The following GCNT1 variants were observed in gnomAD, a reference collection of about 807,000 sequenced individuals.
The protein encoded by GCNT1 is glucosaminyl (N-acetyl) transferase 1, also known as beta-1,3-galactosyl-O-glycosyl-glycoprotein beta-1,6-N-acetylglucosaminyltransferase.
In GCNT1, 16 loss-of-function variants were observed where a neutral mutation model predicts 26.2. That is an observed-to-expected ratio of 0.61 (90% CI 0.41 to 0.93). The LOEUF is 0.93. Among genes scored for constraint, GCNT1 ranks in the 40% least tolerant of loss-of-function variants. The pLI is 0.00. For synonymous variants in GCNT1, 183 were observed against 190.8 expected (o/e 0.96, Z 0.34); for missense variants, 477 against 526.7 (o/e 0.91, Z 0.92).
upstream of GCNT1, chr9:76,459,087 TC>T (rs1823813183): frequency 6.6e-6 from 1 of 152,202 alleles, no homozygotes; most frequent in Admixed American, 6.5e-5. Flanking sequence ...CCGCAGCAAG[TC>T]CCCAGCCCCG....
At chr9:76,424,672 T>C (rs1284474469) in intron 1 of GCNT1, among the ~76,000 whole-genome samples, 1 of 152,236 alleles carries the variant, frequency 6.6e-6, no homozygotes, top group Non-Finnish European at 1.5e-5. Flanking sequence ...AACTGGATGA[T>C]AGATAACTAA....
intron 1 of GCNT1, among the ~76,000 whole-genome samples, chr9:76,443,922 AAAGGAAGAAAGGAAGGAAGGAAGG>A (rs1299603757): frequency 6.0e-4 from 44 of 73,704 alleles, no homozygotes; most frequent in African/African-American, 1.6e-3. Context: ...AGAAAGGAAG[AAAGGAAGAAAGGAAGGAAGGAAGG>A]AAGGAAGGAA....
chr9:76,492,236 C>T lies in GCNT1; in HGVS notation c.-289-8680C>T, dbSNP rs142727869. On this transcript the variant is annotated intron_variant, in intron 2 of 3. Coordinates refer to ENST00000376730, the MANE Select transcript of GCNT1 (RefSeq NM_001490.5). ...GTTGATTCCCTCCTCAAGCAGCGGA[C>T]AACAAATGGGTAACTTGTTCCCCAT... is the stretch of plus-strand genomic sequence containing the variant. Among the ~76,000 whole-genome samples the T allele has an allele frequency of 3.9e-5, 6 of 152,248 alleles. No individual in the cohort carries two copies. In the East Asian group the frequency reaches 1.2e-3, roughly 29 times the overall value.
the GCNT1 span, among the ~76,000 whole-genome samples, chr9:76,414,395 C>T: frequency 6.6e-6 from 1 of 152,106 alleles, no homozygotes; most frequent in South Asian, 2.1e-4. Flanking sequence ...GTCCAGACCC[C>T]AAGAGAGGGT....
chr9:76,408,735 T>G, the GCNT1 span, among the ~76,000 whole-genome samples: 1 of 152,190 alleles, frequency 6.6e-6, no homozygotes, highest in East Asian at 1.9e-4. Context: ...ACCCAGGCTA[T>G]AGTGTAGAGT....
At chr9:76,478,200 T>G (rs1290655108) in intron 2 of GCNT1, among the ~76,000 whole-genome samples, 1 of 152,192 alleles carries the variant, frequency 6.6e-6, no homozygotes, top group Admixed American at 6.5e-5. Flanking sequence ...AGTGGAAACT[T>G]GGTTCTTTTG....
At chr9:76,493,283 G>T (rs664013) in intron 2 of GCNT1, among the ~76,000 whole-genome samples, 91,571 of 151,954 alleles carry the variant, frequency 0.6, 28,192 homozygotes, top group African/African-American at 0.72. Flanking sequence ...TGTCCCTTTC[G>T]TCAGCTGTCA....
At chr9:76,497,997 C>T (rs1263608985) in intron 2 of GCNT1, among the ~76,000 whole-genome samples, 1 of 152,196 alleles carries the variant, frequency 6.6e-6, no homozygotes, top group East Asian at 1.9e-4. Flanking sequence ...GCCATTCCCC[C>T]ATGTCCCCAG....
chr9:76,405,676 A>G, the GCNT1 span, among the ~76,000 whole-genome samples: 2 of 152,348 alleles, frequency 1.3e-5, no homozygotes, highest in Non-Finnish European at 2.9e-5. Context: ...TCTTTCACTT[A>G]AAAATATGCA....
chr9:76,420,217 C>A (rs1356875647), intron 1 of GCNT1: 1 of 151,994 alleles, frequency 6.6e-6, no homozygotes, highest in Non-Finnish European at 1.5e-5. Flanking sequence ...GGACTTCCAC[C>A]CTGGGTGCTC....
At chr9:76,479,642 G>C (rs1824364528) in intron 2 of GCNT1, among the ~76,000 whole-genome samples, 1 of 152,154 alleles carries the variant, frequency 6.6e-6, no homozygotes. Context: ...TATGCCTGTT[G>C]GCTGCATAAA....
At chr9:76,468,465 A>G (rs1824057477) in intron 2 of GCNT1, among the ~76,000 whole-genome samples, 1 of 152,236 alleles carries the variant, frequency 6.6e-6, no homozygotes, top group Non-Finnish European at 1.5e-5. Context: ...CCTTAAGCCA[A>G]GAGAGCTGAA....
chr9:76,410,351 G>T, the GCNT1 span, among the ~76,000 whole-genome samples: 2 of 152,140 alleles, frequency 1.3e-5, no homozygotes, highest in African/African-American at 2.4e-5. Flanking sequence ...AGAATCGCTT[G>T]AACCCAGGAG....
intron 2 of GCNT1, among the ~76,000 whole-genome samples, chr9:76,464,504 AC>A (rs1183764307): frequency 5.9e-5 from 9 of 152,198 alleles, no homozygotes; most frequent in Non-Finnish European, 1.3e-4. Context: ...GGTGTAAGCC[AC>A]CATCCCTGGC....
chr9:76,455,278 G>C (rs1439279550), upstream of GCNT1, among the ~76,000 whole-genome samples: 2 of 152,146 alleles, frequency 1.3e-5, no homozygotes, highest in Non-Finnish European at 2.9e-5. Context: ...CTAGATTAAA[G>C]GGCAAAGACC....
chr9:76,485,798 G>C (rs1824557009), intron 2 of GCNT1, among the ~76,000 whole-genome samples: 1 of 151,504 alleles, frequency 6.6e-6, no homozygotes, highest in African/African-American at 2.4e-5. Flanking sequence ...CAGTGGCTCA[G>C]TCTCACTCAT....
upstream of GCNT1, among the ~76,000 whole-genome samples, chr9:76,440,105 A>G (rs74320913): frequency 1.8e-5 from 2 of 113,726 alleles, no homozygotes; most frequent in African/African-American, 7.6e-5. Flanking sequence ...TCGCAAAAAT[A>G]AAAAAAAAAA....
chr9:76,490,035 G>A (rs527928229), intron 2 of GCNT1, among the ~76,000 whole-genome samples: 7 of 151,676 alleles, frequency 4.6e-5, no homozygotes, highest in Admixed American at 2.6e-4. Context: ...CCGAAGGCAA[G>A]TAATAGCAAG....
At chr9:76,415,899 A>G (rs888367065), upstream of GCNT1, among the ~76,000 whole-genome samples, 2 of 152,166 alleles carry the variant, frequency 1.3e-5, no homozygotes, top group African/African-American at 4.8e-5. Context: ...TTCCACTGCC[A>G]AGATTGCTCT....
Sources: gnomAD v4.1 joint callset for allele counts (sites outside exome capture counted in the v4.1 genomes callset) on GRCh38, gnomAD v4.1.1 for gene constraint, MANE v1.5 for transcripts, NCBI Gene and HGNC (gene_info 2026-07-23, HGNC 2026-07-21) for gene names.